Variants in PRKAR2A observed in about 807,000 individuals in gnomAD.
PRKAR2A encodes protein kinase cAMP-dependent type II regulatory subunit alpha.
Under a neutral mutation model 51.9 loss-of-function variants are expected in PRKAR2A, and 29 were observed. That is an observed-to-expected ratio of 0.56 (90% confidence interval 0.42 to 0.76). PRKAR2A has a LOEUF of 0.76. PRKAR2A is among the 30% of genes least tolerant of loss of function. The pLI, the probability that PRKAR2A is intolerant of heterozygous loss-of-function variation, is 0.00. For synonymous variants in PRKAR2A, 178 were observed against 186.2 expected, an observed-to-expected ratio of 0.96 and a Z score of 0.36; for missense variants, 445 against 512.1, an observed-to-expected ratio of 0.87 and a Z score of 1.26.
At chr3:48,826,029 A>G (rs1214677066) in intron 1 of PRKAR2A, among the ~76,000 whole-genome samples, 1 of 152,190 alleles carries the variant, frequency 6.6e-6, no homozygotes, top group Non-Finnish European at 1.5e-5. Context: ...CTGAGAGGCT[A>G]AGGCAGCACG....
chr3:48,761,065 C>T (rs1439428315), intron 8 of PRKAR2A, among the ~76,000 whole-genome samples: 3 of 151,978 alleles, frequency 2.0e-5, no homozygotes, highest in Admixed American at 6.6e-5. Context: ...AGGAGGATCA[C>T]GAGGTCAGGA....
intron 1 of PRKAR2A, among the ~76,000 whole-genome samples, chr3:48,831,164 C>T (rs1210994198): frequency 1.3e-5 from 2 of 152,096 alleles, no homozygotes; most frequent in African/African-American, 4.8e-5. Flanking sequence ...TTTACACCAG[C>T]ATCACCACAA....
In PRKAR2A at chr3:48,750,069, A is replaced by C. The variant is rs903853100; in HGVS notation, c.*1516T>G. 6.6e-6 allele frequency: 1 copy of C among 151,976 alleles called. No homozygotes were observed. Among genetic ancestry groups the C allele is most frequent in the African/African-American group, 2.4e-5 (1 of 41,366 alleles). The allele number at this position is 151,976 out of a possible 1,614,324, so 9.4% of individuals were successfully genotyped here. A position where few individuals can be genotyped will look rare whatever the true frequency, so the allele number is the denominator to read the frequency against. ...ATCACCACACCTGACAAATTAAAAA[A>C]AAATTTTTTTTTTGCCAGGTGCAGT... On this transcript the variant is annotated 3_prime_UTR_variant, in exon 11 of 11. Transcript: ENST00000265563.
At chr3:48,800,511 CA>C (rs879413217) in intron 2 of PRKAR2A, among the ~76,000 whole-genome samples, 2,096 of 121,860 alleles carry the variant, frequency 0.017, 41 homozygotes, top group African/African-American at 0.057. Flanking sequence ...GACTCCGTCT[CA>C]AAAAAAAAAA....
At chr3:48,793,884 G>T in intron 3 of PRKAR2A, 113 bp downstream of exon 3, 1 of 893,614 alleles carries the variant, frequency 1.1e-6, no homozygotes. Context: ...TGTCACTTCA[G>T]TGATATTTTA....
At chr3:48,802,294 G>A (rs2082603030) in intron 2 of PRKAR2A, among the ~76,000 whole-genome samples, 1 of 152,032 alleles carries the variant, frequency 6.6e-6, no homozygotes, top group South Asian at 2.1e-4. Flanking sequence ...CACTCGCCTT[G>A]GCCTCCCAAA....
chr3:48,795,704 T>C (rs1334978367), intron 2 of PRKAR2A, among the ~76,000 whole-genome samples: 2 of 152,278 alleles, frequency 1.3e-5, no homozygotes, highest in East Asian at 3.9e-4. Flanking sequence ...ACCCAGCTAA[T>C]TTTTGTAGTT....
At position 48,809,613 on chromosome 3, in the gene PRKAR2A, A is replaced by C. The variant is rs1179469951; in HGVS notation, c.263-1929T>G. On this transcript the variant is annotated intron_variant, in intron 1 of 10. Transcript: ENST00000265563. ...TCCATCTCAAAAAAAAAAAAAAAAA[A>C]AAAAAAAAAACTATATAGTTTAGTG... Among the ~76,000 whole-genome samples, 5 of 150,920 alleles carry C rather than the reference A, an allele frequency of 3.3e-5. No homozygotes were observed. In the East Asian group the frequency reaches 5.8e-4, roughly 17 times the overall value.
intron 6 of PRKAR2A, among the ~76,000 whole-genome samples, chr3:48,767,444 A>C (rs906067329): frequency 6.6e-6 from 1 of 151,822 alleles, no homozygotes; most frequent in Admixed American, 6.6e-5. Flanking sequence ...ATGCCACTGC[A>C]CTCCAGCCTG....
intron 1 of PRKAR2A, among the ~76,000 whole-genome samples, chr3:48,829,877 T>A (rs71615480): frequency 0.16 from 14,426 of 92,290 alleles, 1,279 homozygotes; most frequent in Non-Finnish European, 0.23. Context: ...ATATATTTTT[T>A]TTTTTTTTTT....
intron 1 of PRKAR2A, among the ~76,000 whole-genome samples, chr3:48,811,039 C>T (rs1261489718): frequency 6.6e-6 from 1 of 151,916 alleles, no homozygotes; most frequent in African/African-American, 2.4e-5. Context: ...ATTAGTCAGG[C>T]GAGGTGGCAT....
At chr3:48,745,933 G>A (rs1330982889), downstream of PRKAR2A, among the ~76,000 whole-genome samples, 1 of 152,112 alleles carries the variant, frequency 6.6e-6, no homozygotes, top group African/African-American at 2.4e-5. Flanking sequence ...GGCGTGAATA[G>A]AACAAAAAGG....
At chr3:48,842,494 G>T (rs372321333) in intron 1 of PRKAR2A, among the ~76,000 whole-genome samples, 1 of 152,128 alleles carries the variant, frequency 6.6e-6, no homozygotes, top group Non-Finnish European at 1.5e-5. Flanking sequence ...CTTGTGCCAG[G>T]TTTCAAAGGG....
At chr3:48,778,545 A>C (rs1301966264) in intron 5 of PRKAR2A, among the ~76,000 whole-genome samples, 1 of 151,546 alleles carries the variant, frequency 6.6e-6, no homozygotes, top group Admixed American at 6.6e-5. Flanking sequence ...GTTGAGATGG[A>C]GTCCCATTCT....
intron 1 of PRKAR2A, among the ~76,000 whole-genome samples, chr3:48,825,040 T>TC (rs1402842236): frequency 7.0e-6 from 1 of 143,370 alleles, no homozygotes; most frequent in African/African-American, 2.5e-5. Context: ...TTTTTTTTTT[T>TC]TTTTTTTTTT....
At chr3:48,836,928 C>T (rs1336892566) in intron 1 of PRKAR2A, among the ~76,000 whole-genome samples, 1 of 151,838 alleles carries the variant, frequency 6.6e-6, no homozygotes, top group Non-Finnish European at 1.5e-5. Context: ...CTCAGGAGTT[C>T]GAGACCAGCC....
At chr3:48,774,635 C>T (rs2082079083) in intron 5 of PRKAR2A, among the ~76,000 whole-genome samples, 1 of 152,144 alleles carries the variant, frequency 6.6e-6, no homozygotes, top group African/African-American at 2.4e-5. Flanking sequence ...TCTATGTCTA[C>T]GATATCAATG....
At chr3:48,767,046 T>C (rs540525804) in intron 6 of PRKAR2A, among the ~76,000 whole-genome samples, 2 of 152,326 alleles carry the variant, frequency 1.3e-5, no homozygotes, top group South Asian at 4.1e-4. Context: ...TGTGTACACA[T>C]GTGCAGGGAG....
chr3:48,795,063 G>A (rs371356353), intron 2 of PRKAR2A, among the ~76,000 whole-genome samples: 7 of 151,158 alleles, frequency 4.6e-5, no homozygotes, highest in East Asian at 2.0e-4. Context: ...TGCAAGCTCC[G>A]CCTCTCAGGT....
Sources: gnomAD v4.1 joint callset for allele counts (sites outside exome capture counted in the v4.1 genomes callset) on GRCh38, gnomAD v4.1.1 for gene constraint, MANE v1.5 for transcripts, NCBI Gene and HGNC (gene_info 2026-07-23, HGNC 2026-07-21) for gene names.